ZCCHC14: variants seen among roughly 807,000 people sequenced by gnomAD.
ZCCHC14 encodes the protein zinc finger CCHC domain-containing protein 14.
In ZCCHC14, 16 loss-of-function variants were observed where a neutral mutation model predicts 85.0. The ratio of observed to expected loss-of-function variants is 0.19; its 90% CI spans 0.13 to 0.29. ZCCHC14 has a LOEUF of 0.29. Among genes scored for constraint, ZCCHC14 ranks in the 10% least tolerant of loss-of-function variants. The probability of loss-of-function intolerance (pLI) is 1.00; values close to 1 mark genes in which losing one functional copy is unlikely to be tolerated. For missense variants in ZCCHC14, 1,303 were observed against 1,443.5 expected (o/e 0.90, Z 1.58); for synonymous variants, 775 against 630.7 (o/e 1.23, Z -3.43).
At chr16:87,456,674 A>C (rs1910985914) in intron 2 of ZCCHC14, among the ~76,000 whole-genome samples, 1 of 151,494 alleles carries the variant, frequency 6.6e-6, no homozygotes, top group South Asian at 2.1e-4. Context: ...ACAACGCTGC[A>C]TGGCAAACAC....
intron 1 of ZCCHC14, among the ~76,000 whole-genome samples, chr16:87,485,717 A>G (rs1225840901): frequency 6.6e-6 from 1 of 152,214 alleles, no homozygotes; most frequent in Non-Finnish European, 1.5e-5. Flanking sequence ...CATCAATTCA[A>G]CAAACAAAGA....
chr16:87,418,793 A>C (rs1370510975), intron 7 of ZCCHC14, 54 bp downstream of exon 7: 1 of 1,546,594 alleles, frequency 6.5e-7, no homozygotes, highest in Non-Finnish European at 8.9e-7. Flanking sequence ...AACTCAAAGT[A>C]AACATTGTAA....
At chr16:87,446,140 C>T (rs1386373224) in intron 2 of ZCCHC14, among the ~76,000 whole-genome samples, 1 of 147,194 alleles carries the variant, frequency 6.8e-6, no homozygotes, top group Non-Finnish European at 1.5e-5. Flanking sequence ...GCACTCCAAC[C>T]TGGGCAACAA....
intron 1 of ZCCHC14, among the ~76,000 whole-genome samples, chr16:87,474,756 G>C (rs188321149): frequency 1.3e-5 from 2 of 152,206 alleles, no homozygotes; most frequent in Non-Finnish European, 2.9e-5. Context: ...GCTGGAAAGC[G>C]ACAGGAGAAA....
At chr16:87,434,845 G>T (rs1412260734) in intron 2 of ZCCHC14, among the ~76,000 whole-genome samples, 1 of 151,996 alleles carries the variant, frequency 6.6e-6, no homozygotes, top group Non-Finnish European at 1.5e-5. Flanking sequence ...CAAAAAATTA[G>T]CTGGGTGTAG....
In ZCCHC14 at chr16:87,412,546, G is replaced by T. The variant is rs1004900689; in HGVS notation, c.2175C>A (p.Val725=). ...LSESSSMSPT[V]SFGPRTKVVH... ...CGACTTTGGTCCGGGGACCAAAGGA[G>T]ACTGTGGGTGACATGGAGCTGCTCT... Residue 725 remains valine, a synonymous_variant, in exon 12 of 13, where the codon GTC becomes GTA. Coordinates refer to ENST00000671377, the MANE Select transcript of ZCCHC14 (RefSeq NM_015144.3). 1.2e-6 allele frequency: 2 copies of T among 1,614,110 alleles called. No homozygotes were observed. Among genetic ancestry groups the T allele is most frequent in the Non-Finnish European group, 1.7e-6 (2 of 1,180,026 alleles).
chr16:87,455,288 C>CCGTT (rs1273619876), intron 2 of ZCCHC14, among the ~76,000 whole-genome samples: 32 of 147,610 alleles, frequency 2.2e-4, no homozygotes, highest in Non-Finnish European at 3.7e-4. Flanking sequence ...AACTCCGTCC[C>CCGTT]CCCCCGCCCC....
At chr16:87,489,135 G>A (rs1453541995) in intron 1 of ZCCHC14, among the ~76,000 whole-genome samples, 2 of 152,208 alleles carry the variant, frequency 1.3e-5, no homozygotes, top group African/African-American at 2.4e-5. Flanking sequence ...GTTCATCAAC[G>A]TCAGCCTTAG....
At chr16:87,444,478 C>G (rs966151287) in intron 2 of ZCCHC14, among the ~76,000 whole-genome samples, 2 of 152,132 alleles carry the variant, frequency 1.3e-5, no homozygotes, top group African/African-American at 4.8e-5. Context: ...TGATAAGAAA[C>G]AGACTATTTA....
chr16:87,415,777 T>C (rs189513891), intron 8 of ZCCHC14, among the ~76,000 whole-genome samples: 3 of 152,300 alleles, frequency 2.0e-5, no homozygotes, highest in Non-Finnish European at 2.9e-5. Flanking sequence ...ACCGTGGAGA[T>C]GCAAGTTATG....
intron 2 of ZCCHC14, among the ~76,000 whole-genome samples, chr16:87,451,960 A>G (rs1012025867): frequency 2.6e-5 from 4 of 152,250 alleles, no homozygotes; most frequent in Non-Finnish European, 5.9e-5. Context: ...CGCCTGAGCA[A>G]AAGGAATCCC....
At chr16:87,432,143 T>A (rs1909694473) in intron 3 of ZCCHC14, among the ~76,000 whole-genome samples, 1 of 151,922 alleles carries the variant, frequency 6.6e-6, no homozygotes, top group Non-Finnish European at 1.5e-5. Flanking sequence ...CTCACAGGAG[T>A]TCTGTCTGGA....
chr16:87,471,373 AC>A (rs1911765935), intron 1 of ZCCHC14: 1 of 152,272 alleles, frequency 6.6e-6, no homozygotes, highest in Non-Finnish European at 1.5e-5. Flanking sequence ...AACCAAAAAA[AC>A]ATTTTCCATG....
At chr16:87,463,794 C>T (rs562517297) in intron 1 of ZCCHC14, among the ~76,000 whole-genome samples, 1 of 152,252 alleles carries the variant, frequency 6.6e-6, no homozygotes, top group Admixed American at 6.5e-5. Flanking sequence ...TATTGCACTC[C>T]ATCCCGGGTG....
chr16:87,423,682 G>C (rs1909221922), intron 4 of ZCCHC14, 128 bp downstream of exon 4: 1 of 1,026,368 alleles, frequency 9.7e-7, no homozygotes, highest in Non-Finnish European at 1.4e-6. Flanking sequence ...TGGCTGGGCA[G>C]GAGGCCCCGC....
In ZCCHC14 at chr16:87,412,722, C is replaced by A. The variant is rs1311678648; in HGVS notation, c.1999G>T (p.Val667Leu). Residue 667 changes from valine (V) to leucine (L), a missense_variant, in exon 12 of 13, where the codon GTG (valine) becomes TTG (leucine). Val to Leu is a conservative substitution (Grantham distance 32, BLOSUM62 1). This residue lies in a region of ZCCHC14 where 797 missense variants were observed against 730.8 expected (regional missense o/e 1.09). Coordinates refer to ENST00000671377, the MANE Select transcript of ZCCHC14 (RefSeq NM_015144.3). Reference sequence around the variant, plus strand: ...TCTTCTAGAGACAAAAGTGAGTGCACAGAAGACGAGAGGAGCTTCATGTCC... The same window carrying A: ...TCTTCTAGAGACAAAAGTGAGTGCAAAGAAGACGAGAGGAGCTTCATGTCC... ...SADMKLLSSSVHSLLSLEERN... is the reference protein window; with the variant it reads ...SADMKLLSSSLHSLLSLEERN... 1 of 1,614,216 alleles carries A rather than the reference C, an allele frequency of 6.2e-7. No individual in the cohort carries two copies. Among genetic ancestry groups the A allele is most frequent in the South Asian group, 1.1e-5 (1 of 91,088 alleles).
Position 87,482,879 on chromosome 16 carries a change from G to A in ZCCHC14, c.570+8790C>T, listed in dbSNP as rs183297347. On this transcript the variant is annotated intron_variant, in intron 1 of 12. Transcript: ENST00000671377. The stretch of plus-strand genomic sequence containing the variant: ...GAATGACACAAGTTCCATACCAGGC[G>A]ACACTGCAGGGGACTGTCTTCAGAA... 1.1e-4 allele frequency among the ~76,000 whole-genome samples: 16 copies of A among 152,182 alleles called. No individual in the cohort carries two copies. The East Asian group carries it at 3.1e-3, about 29-fold the overall frequency.
At chr16:87,437,515 A>G (rs1909987107) in intron 2 of ZCCHC14, among the ~76,000 whole-genome samples, 1 of 152,174 alleles carries the variant, frequency 6.6e-6, no homozygotes, top group Admixed American at 6.5e-5. Context: ...AGCCAAGGCC[A>G]TGAGGAGGCT....
chr16:87,459,106 C>T (rs544004093), intron 2 of ZCCHC14, among the ~76,000 whole-genome samples: 32 of 152,286 alleles, frequency 2.1e-4, no homozygotes, highest in African/African-American at 5.5e-4. Context: ...GCTCAGGCCG[C>T]GCCTCACTAC....
Sources: gnomAD v4.1 joint callset for allele counts (sites outside exome capture counted in the v4.1 genomes callset) on GRCh38, gnomAD v4.1.1 for gene constraint, gnomAD v4.1.1 regional missense constraint, MANE v1.5 for transcripts, NCBI Gene and HGNC (gene_info 2026-07-23, HGNC 2026-07-21) for gene names.